Variants in MBD5 observed in about 807,000 individuals in gnomAD.
MBD5 encodes the protein methyl-CpG binding domain protein 5.
In MBD5, 13 loss-of-function variants were observed where a neutral mutation model predicts 117.3. That is an observed-to-expected ratio of 0.11 (90% CI 0.07 to 0.18). MBD5 has a LOEUF of 0.18. MBD5 is among the 10% of genes least tolerant of loss of function. The probability of loss-of-function intolerance (pLI) is 1.00; values close to 1 mark genes in which losing one functional copy is unlikely to be tolerated. For missense variants in MBD5, 1,879 were observed against 2,093.8 expected (o/e 0.90, Z 2.00); for synonymous variants, 727 against 766.4 (o/e 0.95, Z 0.85).
rs531122829 is a variant in MBD5, at chr2:148,385,552, C to G, written c.-557+43216C>G. Reference sequence around the variant, plus strand: ...TCAACCATTGTGGAAGTTGGTGTGGCAATTCCTCAGGGATCTAGAACTAGA... The same window carrying G: ...TCAACCATTGTGGAAGTTGGTGTGGGAATTCCTCAGGGATCTAGAACTAGA... On this transcript the variant is annotated intron_variant, in intron 4 of 13. Transcript: ENST00000642680. Among the ~76,000 whole-genome samples, 596 of 152,198 alleles carry G rather than the reference C, an allele frequency of 3.9e-3. 4 individuals carry two copies. Among genetic ancestry groups the G allele is most frequent in the African/African-American group, 0.013 (558 of 41,516 alleles).
chr2:148,316,093 C>G (rs1255539309), intron 3 of MBD5, among the ~76,000 whole-genome samples: 1 of 152,082 alleles, frequency 6.6e-6, no homozygotes, highest in Non-Finnish European at 1.5e-5. Context: ...TTTTAAACAA[C>G]CAGATCTCAT....
At chr2:148,274,308 C>T (rs1177340146) in intron 3 of MBD5, among the ~76,000 whole-genome samples, 1 of 152,076 alleles carries the variant, frequency 6.6e-6, no homozygotes, top group Non-Finnish European at 1.5e-5. Flanking sequence ...TATAGACGTG[C>T]CATGGTGGTT....
intron 3 of MBD5, among the ~76,000 whole-genome samples, chr2:148,294,511 T>G (rs1414059380): frequency 0.018 from 2,497 of 142,108 alleles, 241 homozygotes; most frequent in African/African-American, 0.063. Flanking sequence ...GTTTTTTTTT[T>G]TTTTTTTTTT....
At chr2:148,044,616 T>C (rs1694464518) in intron 1 of MBD5, 1 of 152,148 alleles carries the variant, frequency 6.6e-6, no homozygotes. Context: ...AAGTCAGAAA[T>C]ACCTTTTCTG....
chr2:148,214,601 C>T (rs1015461714), intron 2 of MBD5, among the ~76,000 whole-genome samples: 1 of 152,162 alleles, frequency 6.6e-6, no homozygotes, highest in Non-Finnish European at 1.5e-5. Flanking sequence ...GAGCTTATGC[C>T]TGATAACCAA....
chr2:148,144,310 T>C (rs1210058832), intron 1 of MBD5, among the ~76,000 whole-genome samples: 1 of 152,112 alleles, frequency 6.6e-6, no homozygotes, highest in Non-Finnish European at 1.5e-5. Context: ...TTTTTTCTTG[T>C]AAATTTGTTT....
rs1376447236 is a variant in MBD5, at chr2:148,460,972, C to T, written c.114-1610C>T. On this transcript the variant is annotated intron_variant, in intron 5 of 13. Coordinates refer to ENST00000642680, the MANE Select transcript of MBD5 (RefSeq NM_001378120.1). The stretch of plus-strand genomic sequence containing the variant: ...TTTTTGAGACAAAGTCTCACTCCGT[C>T]GCCCAGGCTGGAGTGTAGTGGCGCA... Among the ~76,000 whole-genome samples, 6 of 152,272 alleles carry T rather than the reference C, an allele frequency of 3.9e-5. No homozygotes were observed. In the East Asian group the frequency reaches 7.7e-4, roughly 20 times the overall value.
chr2:148,283,369 T>TGGGA (rs1386104544), intron 3 of MBD5, among the ~76,000 whole-genome samples: 1 of 151,894 alleles, frequency 6.6e-6, no homozygotes, highest in Non-Finnish European at 1.5e-5. Flanking sequence ...TCTTTGGGGA[T>TGGGA]GGGAGTGAAG....
chr2:148,216,377 G>A (rs1699555053), intron 2 of MBD5, among the ~76,000 whole-genome samples: 1 of 152,140 alleles, frequency 6.6e-6, no homozygotes. Context: ...TGTCTATAAT[G>A]TAGTCTTATT....
intron 3 of MBD5, among the ~76,000 whole-genome samples, chr2:148,322,190 T>C (rs1359713018): frequency 1.3e-5 from 2 of 152,236 alleles, no homozygotes; most frequent in African/African-American, 2.4e-5. Context: ...ACAACACTGA[T>C]GGTAATCGGA....
intron 11 of MBD5, among the ~76,000 whole-genome samples, chr2:148,493,206 G>A (rs186638993): frequency 2.6e-5 from 4 of 152,168 alleles, no homozygotes; most frequent in East Asian, 1.9e-4. Context: ...TCTTTGTAGC[G>A]TCTAGGAAGA....
intron 1 of MBD5, among the ~76,000 whole-genome samples, chr2:148,073,028 C>G (rs992726858): frequency 3.3e-5 from 5 of 152,076 alleles, no homozygotes; most frequent in African/African-American, 7.2e-5. Flanking sequence ...CTTAGGCACC[C>G]TCCACCCCAC....
chr2:148,512,783 C>A, intron 13 of MBD5, 87 bp from the exon 14 acceptor site: 2 of 1,221,090 alleles, frequency 1.6e-6, no homozygotes, highest in South Asian at 1.2e-5. Flanking sequence ...AGTCTATTCC[C>A]TACCCTGCTC....
intron 1 of MBD5, among the ~76,000 whole-genome samples, chr2:148,108,045 C>T (rs1696413346): frequency 6.7e-6 from 1 of 148,192 alleles, no homozygotes; most frequent in South Asian, 2.3e-4. Flanking sequence ...CTTGTGGTTA[C>T]AAATTCTCAG....
At chr2:148,231,711 A>C (rs1185831707) in intron 2 of MBD5, among the ~76,000 whole-genome samples, 3 of 152,210 alleles carry the variant, frequency 2.0e-5, no homozygotes, top group Non-Finnish European at 4.4e-5. Context: ...GTTTGACTTC[A>C]GGGTGCTTTC....
chr2:148,036,105 A>G (rs1226388470), intron 1 of MBD5, among the ~76,000 whole-genome samples: 1 of 152,062 alleles, frequency 6.6e-6, no homozygotes, highest in Non-Finnish European at 1.5e-5. Flanking sequence ...GTCTTTTTAC[A>G]TTTGCCAGAT....
In MBD5 at chr2:148,513,045, T is replaced by C; in HGVS notation, c.*104T>C. 1.7e-6 allele frequency: 2 copies of C among 1,159,906 alleles called. No individual in the cohort carries two copies. Among genetic ancestry groups the C allele is most frequent in the Non-Finnish European group, 2.6e-6 (2 of 780,356 alleles). 71.9% of individuals were successfully genotyped at this position (1,159,906 alleles called of 1,614,324 possible). On this transcript the variant is annotated 3_prime_UTR_variant, in exon 14 of 14. Transcript: ENST00000642680. ...CACAGTTATATCAATATTTAGACTA[T>C]GGCAGATAGCTACCACCACCACAGG...
intron 1 of MBD5, among the ~76,000 whole-genome samples, chr2:148,135,695 C>T (rs1360145767): frequency 1.3e-5 from 2 of 152,078 alleles, no homozygotes; most frequent in Non-Finnish European, 2.9e-5. Context: ...GGATTTTTTG[C>T]TCTGTGAGCT....
chr2:148,126,610 A>G (rs1696903258), intron 1 of MBD5, among the ~76,000 whole-genome samples: 1 of 152,104 alleles, frequency 6.6e-6, no homozygotes, highest in African/African-American at 2.4e-5. Context: ...CCTTGTTTAT[A>G]CTTATATTTT....
Sources: gnomAD v4.1 joint callset for allele counts (sites outside exome capture counted in the v4.1 genomes callset) on GRCh38, gnomAD v4.1.1 for gene constraint, MANE v1.5 for transcripts, NCBI Gene and HGNC (gene_info 2026-07-23, HGNC 2026-07-21) for gene names.